The following DYSF variants were observed in gnomAD, a reference collection of about 807,000 sequenced individuals.
DYSF encodes the protein dystrophy-associated fer-1-like 1.
In DYSF, 212 loss-of-function variants were observed where a neutral mutation model predicts 274.9. That is an observed-to-expected ratio of 0.77 (90% confidence interval 0.69 to 0.86). The LOEUF (loss-of-function observed/expected upper bound fraction) is 0.86. Ranked by LOEUF, DYSF falls within the 40% of genes least tolerant of loss-of-function variation. The pLI, the probability that DYSF is intolerant of heterozygous loss-of-function variation, is 0.00. For missense variants in DYSF, 2,666 were observed against 2,783.2 expected, an observed-to-expected ratio of 0.96 and a Z score of 0.95; for synonymous variants, 1,091 against 1,078.7, an observed-to-expected ratio of 1.01 and a Z score of -0.22.
intron 55 of DYSF, 131 bp from the exon 56 acceptor site, chr2:71,686,323 G>C: frequency 1.8e-6 from 2 of 1,136,760 alleles, no homozygotes; most frequent in Admixed American, 1.7e-5. Flanking sequence ...AGAGCCACGA[G>C]CGTCCTCTCC....
At chr2:71,608,763 A>T (rs1162204722) in intron 36 of DYSF, among the ~76,000 whole-genome samples, 1 of 152,134 alleles carries the variant, frequency 6.6e-6, no homozygotes, top group African/African-American at 2.4e-5. Context: ...GACCGAGGAA[A>T]TGAGGGATAA....
At chr2:71,682,443 G>A (rs770013191) in intron 54 of DYSF, 87 bp from the exon 55 acceptor site, 10 of 1,560,050 alleles carry the variant, frequency 6.4e-6, no homozygotes, top group Non-Finnish European at 8.0e-6. Flanking sequence ...GGAGGGCCAG[G>A]CCATTGGACC....
rs1448201474 is a variant in DYSF at position 71,611,636 on chromosome 2, A to G, written c.4221+10A>G. The G allele has an allele frequency of 1.2e-6, 2 of 1,612,104 alleles. No individual in the cohort carries two copies. Among genetic ancestry groups the G allele is most frequent in the African/African-American group, 1.3e-5 (1 of 74,736 alleles). ...CCTCTTCATGGAAGTGGTGAGCCCC[A>G]CCTCCCTACTGTCCCCTTCCAGAGT... On this transcript the variant is annotated intron_variant, in intron 38 of 55. Coordinates refer to ENST00000410020, the MANE Select transcript of DYSF (RefSeq NM_001130987.2).
In DYSF at chr2:71,589,759, T is replaced by C. The variant is rs370738498; in HGVS notation, c.3496+73T>C. The C allele has an allele frequency of 4.3e-5, 60 of 1,398,974 alleles. No homozygotes were observed. In the East Asian group the frequency reaches 6.2e-4, roughly 14 times the overall value. The allele number at this position is 1,398,974 out of a possible 1,614,324, so 86.7% of individuals were successfully genotyped here. A position where few individuals can be genotyped will look rare whatever the true frequency, so the allele number is the denominator to read the frequency against. The stretch of plus-strand genomic sequence containing the variant: ...TTATGCTTCTGTTTGGATGGAGTTA[T>C]ACGATCAGATGTGTATGTGGGGCTC... On this transcript the variant is annotated intron_variant, in intron 31 of 55. Coordinates refer to ENST00000410020, the MANE Select transcript of DYSF (RefSeq NM_001130987.2).
chr2:71,488,570 TA>T (rs1435359056), intron 3 of DYSF, among the ~76,000 whole-genome samples: 1 of 152,168 alleles, frequency 6.6e-6, no homozygotes, highest in African/African-American at 2.4e-5. Flanking sequence ...CACCTTATAT[TA>T]AGGCATTAAT....
At chr2:71,678,945 G>A in intron 52 of DYSF, 112 bp from the exon 53 acceptor site, 2 of 937,814 alleles carry the variant, frequency 2.1e-6, no homozygotes, top group Non-Finnish European at 1.7e-6. Flanking sequence ...GCCATGGATA[G>A]AAGCTGGTGA....
chr2:71,535,727 A>T (rs2089268059), intron 16 of DYSF, among the ~76,000 whole-genome samples: 1 of 152,068 alleles, frequency 6.6e-6, no homozygotes, highest in Non-Finnish European at 1.5e-5. Context: ...GGTTGGTGGG[A>T]TGAAAAAGTA....
chr2:71,593,522 C>T (rs1553372820), intron 32 of DYSF, among the ~76,000 whole-genome samples: 1 of 152,154 alleles, frequency 6.6e-6, no homozygotes, highest in Non-Finnish European at 1.5e-5. Flanking sequence ...AAATGAAAGG[C>T]TATGACTTGA....
intron 42 of DYSF, among the ~76,000 whole-genome samples, chr2:71,649,137 C>CAAAAAAAAA (rs376775027): frequency 1.1e-5 from 1 of 89,714 alleles, no homozygotes; most frequent in African/African-American, 4.4e-5. Flanking sequence ...ACTTTGTCTC[C>CAAAAAAAAA]AAAAAAAAAA....
intron 16 of DYSF, among the ~76,000 whole-genome samples, chr2:71,536,501 G>A (rs561444126): frequency 1.6e-3 from 251 of 152,346 alleles, no homozygotes; most frequent in African/African-American, 5.8e-3. Context: ...CTTCATCTCC[G>A]CTCTCCATGT....
chr2:71,662,663 C>T (rs889807210), intron 45 of DYSF, among the ~76,000 whole-genome samples: 1 of 143,494 alleles, frequency 7.0e-6, no homozygotes, highest in Non-Finnish European at 1.5e-5. Flanking sequence ...GTCTCTGTGT[C>T]CATGTGTCCG....
intron 30 of DYSF, among the ~76,000 whole-genome samples, chr2:71,585,403 T>C (rs1170535632): frequency 6.6e-6 from 1 of 152,156 alleles, no homozygotes; most frequent in Non-Finnish European, 1.5e-5. Flanking sequence ...GAATGGGCAA[T>C]GCCTGGCACA....
chr2:71,584,561 C>A (rs2093001793), intron 30 of DYSF, among the ~76,000 whole-genome samples: 1 of 152,204 alleles, frequency 6.6e-6, no homozygotes. Flanking sequence ...CTTGCCTGTC[C>A]TTTGCCCTGG....
chr2:71,668,171 C>T (rs1393168918), intron 48 of DYSF, among the ~76,000 whole-genome samples: 2 of 152,302 alleles, frequency 1.3e-5, no homozygotes, highest in East Asian at 3.9e-4. Context: ...AGGACATTAC[C>T]TCTGTTGTTT....
intron 17 of DYSF, among the ~76,000 whole-genome samples, chr2:71,547,999 C>T (rs144936482): frequency 1.3e-5 from 2 of 152,314 alleles, no homozygotes; most frequent in East Asian, 3.9e-4. Context: ...CACTGCTCTC[C>T]TCGGGCCTGC....
At chr2:71,595,618 C>T (rs570149085) in intron 32 of DYSF, among the ~76,000 whole-genome samples, 3 of 152,342 alleles carry the variant, frequency 2.0e-5, no homozygotes, top group South Asian at 4.1e-4. Context: ...GTGCAGGGCT[C>T]TGGATCCAGC....
chr2:71,489,404 G>A (rs1251846159), intron 3 of DYSF, among the ~76,000 whole-genome samples: 2 of 152,234 alleles, frequency 1.3e-5, no homozygotes, highest in African/African-American at 2.4e-5. Flanking sequence ...TTAGAAAAGA[G>A]AGAAGTGTTA....
At chr2:71,472,385 G>A (rs1028905224) in intron 1 of DYSF, among the ~76,000 whole-genome samples, 1 of 152,146 alleles carries the variant, frequency 6.6e-6, no homozygotes, top group Admixed American at 6.6e-5. Context: ...ACACAGCATT[G>A]TCCTGTAAAT....
intron 10 of DYSF, among the ~76,000 whole-genome samples, chr2:71,518,056 A>T (rs901787417): frequency 6.6e-6 from 1 of 151,964 alleles, no homozygotes; most frequent in Admixed American, 6.6e-5. Context: ...TCACCCTGGG[A>T]TGGGAGTGGG....
Sources: allele counts gnomAD v4.1 joint callset (sites outside exome capture counted in the v4.1 genomes callset), GRCh38; gene constraint gnomAD v4.1.1; transcripts MANE v1.5; gene names NCBI Gene and HGNC (gene_info 2026-07-23, HGNC 2026-07-21).